LNPEP: variants seen among roughly 807,000 people sequenced by gnomAD.
The protein encoded by LNPEP is leucyl-cystinyl aminopeptidase.
LNPEP carries 64 observed loss-of-function variants against 120.6 expected under a neutral mutation model. The ratio of observed to expected loss-of-function variants is 0.53; its 90% CI spans 0.43 to 0.65. The LOEUF (loss-of-function observed/expected upper bound fraction) is 0.65, where lower values mean the gene tolerates loss of function less well. Among genes scored for constraint, LNPEP ranks in the 30% least tolerant of loss-of-function variants. The probability of loss-of-function intolerance (pLI) is 0.00; values close to 1 mark genes in which losing one functional copy is unlikely to be tolerated. For synonymous variants in LNPEP, 435 were observed against 425.4 expected (o/e 1.02, Z -0.28); for missense variants, 1,057 against 1,200.0 (o/e 0.88, Z 1.76).
rs1791395730 is a variant in LNPEP at position 97,028,383 on chromosome 5, T to C, written c.2947-19T>C. On this transcript the variant is annotated intron_variant, in intron 17 of 17. Coordinates refer to ENST00000231368, the MANE Select transcript of LNPEP (RefSeq NM_005575.3). Reference sequence around the variant, plus strand: ...TCGTCCTTTTCTTCTTTTGAAATTCTTCTGTGTGAAACTTACAGGTTCAGG... The same window carrying C: ...TCGTCCTTTTCTTCTTTTGAAATTCCTCTGTGTGAAACTTACAGGTTCAGG... 2 of 1,612,724 alleles carry C rather than the reference T, an allele frequency of 1.2e-6. No individual in the cohort carries two copies. Among genetic ancestry groups the C allele is most frequent in the African/African-American group, 2.7e-5 (2 of 74,910 alleles).
intron 8 of LNPEP, among the ~76,000 whole-genome samples, chr5:96,999,902 A>C (rs1379143170): frequency 6.6e-6 from 1 of 151,948 alleles, no homozygotes; most frequent in Admixed American, 6.6e-5. Context: ...CGTTTAGCAG[A>C]CATATTCTGT....
rs138921373 is a variant in LNPEP, at chr5:97,021,674, G to A, written c.2377-626G>A. ...AATAACTTCTAGCTGAGTATATGCA[G>A]CATAAAGGTTCCCTACTGCACAGAA... On this transcript the variant is annotated intron_variant, in intron 13 of 17. Transcript: ENST00000231368. Among the ~76,000 whole-genome samples the A allele has an allele frequency of 7.3e-3, 1,105 of 152,158 alleles. 7 individuals carry two copies. Among genetic ancestry groups the A allele is most frequent in the Non-Finnish European group, 9.2e-3 (624 of 67,996 alleles).
chr5:97,007,440 T>C (rs1175328600), intron 11 of LNPEP, among the ~76,000 whole-genome samples: 1 of 152,310 alleles, frequency 6.6e-6, no homozygotes, highest in East Asian at 1.9e-4. Flanking sequence ...GTGGTGAGGA[T>C]TAAATGAGTT....
At chr5:96,962,249 A>G (rs1042977930) in intron 1 of LNPEP, among the ~76,000 whole-genome samples, 4 of 152,174 alleles carry the variant, frequency 2.6e-5, no homozygotes, top group Non-Finnish European at 5.9e-5. Flanking sequence ...CCCAAAGTCT[A>G]AAAGGGTGTT....
At chr5:96,990,508 T>G (rs998420059) in intron 4 of LNPEP, among the ~76,000 whole-genome samples, 2 of 152,250 alleles carry the variant, frequency 1.3e-5, no homozygotes, top group African/African-American at 4.8e-5. Context: ...ATATTTTGCC[T>G]CAATTCCGAT....
At position 96,963,173 on chromosome 5, in the gene LNPEP, A is replaced by G. The variant is rs186998730; in HGVS notation, c.20-15965A>G. 2.1e-3 allele frequency among the ~76,000 whole-genome samples: 326 copies of G among 152,282 alleles called. 3 individuals carry two copies. Among genetic ancestry groups the G allele is most frequent in the African/African-American group, 7.2e-3 (300 of 41,564 alleles). ...AACTAGTATGTAGCATATAATTTCA[A>G]TTTTGTCTTAGGGGATAAATTAGTC... On this transcript the variant is annotated intron_variant, in intron 1 of 17. Coordinates refer to ENST00000231368, the MANE Select transcript of LNPEP (RefSeq NM_005575.3).
rs1035976149 is a variant in LNPEP, at chr5:97,036,247, G to T, written c.*7714G>T. 1 of 151,856 alleles carries T rather than the reference G, an allele frequency of 6.6e-6. No individual in the cohort carries two copies. Among genetic ancestry groups the T allele is most frequent in the East Asian group, 1.9e-4 (1 of 5,194 alleles). 9.4% of individuals were successfully genotyped at this position (151,856 alleles called of 1,614,324 possible). A position where few individuals can be genotyped will look rare whatever the true frequency, so the allele number is the denominator to read the frequency against. On this transcript the variant is annotated 3_prime_UTR_variant, in exon 18 of 18. Coordinates refer to ENST00000231368, the MANE Select transcript of LNPEP (RefSeq NM_005575.3). The stretch of plus-strand genomic sequence containing the variant: ...TGAGCCCCAAAACTAAATCCAAAAG[G>T]AATTTTCTATCTTTCATCCCCCACA...
chr5:97,028,521 A>G lies in LNPEP; in HGVS notation c.3066A>G (p.Thr1022=), dbSNP rs780948363. 2 of 1,613,836 alleles carry G rather than the reference A, an allele frequency of 1.2e-6. No individual in the cohort carries two copies. Among genetic ancestry groups the G allele is most frequent in the Non-Finnish European group, 1.7e-6 (2 of 1,179,730 alleles). The stretch of plus-strand genomic sequence containing the variant: ...TGGAGAAGAACCTCAAAAGTCTCAC[A>G]TGGTGGCTGTAGCATGCACAACCGC... ...QWMEKNLKSL[T]WWL is the part of the protein sequence containing the mutation. Residue 1022 remains threonine, a synonymous_variant, in exon 18 of 18, where the codon ACA becomes ACG. Coordinates refer to ENST00000231368, the MANE Select transcript of LNPEP (RefSeq NM_005575.3).
At chr5:96,950,697 C>T (rs1308774530) in intron 1 of LNPEP, among the ~76,000 whole-genome samples, 2 of 152,174 alleles carry the variant, frequency 1.3e-5, no homozygotes, top group Non-Finnish European at 2.9e-5. Flanking sequence ...TGTTTCTGTA[C>T]TGATGTTAAT....
At chr5:96,951,311 TG>T (rs1164835857) in intron 1 of LNPEP, among the ~76,000 whole-genome samples, 2 of 151,482 alleles carry the variant, frequency 1.3e-5, no homozygotes, top group African/African-American at 4.9e-5. Context: ...CAGGCTGGAG[TG>T]CAGTGGCGCG....
chr5:97,016,364 C>G (rs18059), intron 13 of LNPEP, among the ~76,000 whole-genome samples: 1 of 151,848 alleles, frequency 6.6e-6, no homozygotes, highest in East Asian at 1.9e-4. Context: ...TTTTACACAC[C>G]GTGCTTAGTG....
chr5:96,942,188 A>C (rs935585740), intron 1 of LNPEP: 2 of 152,194 alleles, frequency 1.3e-5, no homozygotes, highest in African/African-American at 2.4e-5. Flanking sequence ...CACTTGTCTG[A>C]ATGTTTTAGA....
At chr5:96,960,882 T>G (rs889044744) in intron 1 of LNPEP, among the ~76,000 whole-genome samples, 4 of 48,036 alleles carry the variant, frequency 8.3e-5, no homozygotes, top group Non-Finnish European at 2.2e-4. Context: ...AAAAATATGT[T>G]TTTTTTTTCC....
intron 12 of LNPEP, 120 bp from the exon 13 acceptor site, chr5:97,014,819 G>C: frequency 1.8e-6 from 1 of 546,432 alleles, no homozygotes; most frequent in East Asian, 3.2e-5. Context: ...AAATGCCACT[G>C]TAAGTTTAAA....
intron 1 of LNPEP, among the ~76,000 whole-genome samples, chr5:96,978,565 C>T (rs1239642233): frequency 6.6e-6 from 1 of 152,178 alleles, no homozygotes; most frequent in Admixed American, 6.5e-5. Flanking sequence ...TAGCCATACT[C>T]AATCTTAGAA....
Position 97,003,503 on chromosome 5 carries a change from A to G in LNPEP, c.1742A>G (p.Tyr581Cys), listed in dbSNP as rs200018527. 18 of 1,608,562 alleles carry G rather than the reference A, an allele frequency of 1.1e-5. No individual in the cohort carries two copies. The East Asian group carries it at 2.7e-4, about 24-fold the overall frequency. Residue 581 changes from tyrosine to cysteine, a missense_variant, in exon 9 of 18, where the codon TAT becomes TGT. Coordinates refer to ENST00000231368, the MANE Select transcript of LNPEP (RefSeq NM_005575.3). Reference sequence around the variant, plus strand: ...GTCCTTTACCTGCATAATCACAGCTATGCATCTATTCAAAGTGATGATCTG... The same window carrying G: ...GTCCTTTACCTGCATAATCACAGCTGTGCATCTATTCAAAGTGATGATCTG... ...AVVLYLHNHS[Y>C]ASIQSDDLWD...
intron 1 of LNPEP, among the ~76,000 whole-genome samples, chr5:96,944,075 G>A (rs1789123355): frequency 1.3e-5 from 2 of 152,200 alleles, no homozygotes; most frequent in Non-Finnish European, 2.9e-5. Context: ...GATGAACAGT[G>A]CTATGTGGGA....
intron 1 of LNPEP, among the ~76,000 whole-genome samples, chr5:96,970,760 C>T (rs1213484787): frequency 6.6e-6 from 1 of 151,856 alleles, no homozygotes; most frequent in Non-Finnish European, 1.5e-5. Context: ...CAGTATTGTA[C>T]CATTTCACAT....
rs1454878879 is a variant in LNPEP at position 97,029,669 on chromosome 5, A to G, written c.*1136A>G. The stretch of plus-strand genomic sequence containing the variant: ...ATAGGAGTAACTTGAATTCGTGTTT[A>G]GTATGGTGGGCTTTGAATTTTTTTC... On this transcript the variant is annotated 3_prime_UTR_variant, in exon 18 of 18. Coordinates refer to ENST00000231368, the MANE Select transcript of LNPEP (RefSeq NM_005575.3). 1.3e-5 allele frequency: 2 copies of G among 152,226 alleles called. No individual in the cohort carries two copies. Among genetic ancestry groups the G allele is most frequent in the African/African-American group, 4.8e-5 (2 of 41,458 alleles). The allele number at this position is 152,226 out of a possible 1,614,324, so 9.4% of individuals were successfully genotyped here.
Sources: allele counts gnomAD v4.1 joint callset (sites outside exome capture counted in the v4.1 genomes callset), GRCh38; gene constraint gnomAD v4.1.1; transcripts MANE v1.5; gene names NCBI Gene and HGNC (gene_info 2026-07-23, HGNC 2026-07-21).